GALK2: variants seen among roughly 807,000 people sequenced by gnomAD.
GALK2 encodes galactokinase 2.
GALK2 carries 36 observed loss-of-function variants against 52.4 expected under a neutral mutation model. That is an observed-to-expected ratio of 0.69 (90% confidence interval 0.53 to 0.91). The LOEUF is 0.91. Among genes scored for constraint, GALK2 ranks in the 40% least tolerant of loss-of-function variants. The probability of loss-of-function intolerance (pLI) is 0.00; values close to 1 mark genes in which losing one functional copy is unlikely to be tolerated. For missense variants in GALK2, 579 were observed against 559.1 expected (o/e 1.04, Z -0.36); for synonymous variants, 176 against 199.1 (o/e 0.88, Z 0.98).
intron 3 of GALK2, among the ~76,000 whole-genome samples, chr15:49,339,270 A>T (rs2040299487): frequency 6.6e-6 from 1 of 152,122 alleles, no homozygotes; most frequent in Non-Finnish European, 1.5e-5. Flanking sequence ...TCATGGATTT[A>T]TGTACCTTTG....
At chr15:49,233,787 C>T (rs1158921507) in intron 3 of GALK2, among the ~76,000 whole-genome samples, 2 of 152,184 alleles carry the variant, frequency 1.3e-5, no homozygotes, top group East Asian at 1.9e-4. Context: ...TCCAGGAAGA[C>T]GTCCTCTCTC....
intron 4 of GALK2, among the ~76,000 whole-genome samples, chr15:49,237,516 G>C (rs562195896): frequency 6.6e-6 from 1 of 151,612 alleles, no homozygotes; most frequent in Non-Finnish European, 1.5e-5. Context: ...TTGCTCTGTC[G>C]CCCAGGCTGG....
intron 5 of GALK2, among the ~76,000 whole-genome samples, chr15:49,277,313 C>T (rs1302587831): frequency 2.1e-5 from 3 of 139,840 alleles, no homozygotes; most frequent in Admixed American, 7.0e-5. Flanking sequence ...GGACTACAGG[C>T]GCCCGCCACT....
chr15:49,307,322 A>G (rs1318248166), intron 8 of GALK2, among the ~76,000 whole-genome samples: 1 of 152,178 alleles, frequency 6.6e-6, no homozygotes, highest in Non-Finnish European at 1.5e-5. Flanking sequence ...GATGAATTGA[A>G]ATACGGGGGC....
rs192496098 is a variant in GALK2 at position 49,313,229 on chromosome 15, T to C, written c.968-6375T>C. On this transcript the variant is annotated intron_variant, in intron 8 of 9. Transcript: ENST00000560031. The stretch of plus-strand genomic sequence containing the variant: ...CAAAAGTAAGTAGAAATCCAGATTC[T>C]TAGGTAAATCTTCCAATATAAAGAC... 6.6e-3 allele frequency among the ~76,000 whole-genome samples: 1,000 copies of C among 152,328 alleles called. 15 individuals are homozygous for C. The highest frequency in any genetic ancestry group is 0.023 in the African/African-American group (942 of 41,570).
At chr15:49,285,019 C>G (rs892677089) in intron 7 of GALK2, among the ~76,000 whole-genome samples, 10 of 152,146 alleles carry the variant, frequency 6.6e-5, no homozygotes, top group African/African-American at 1.2e-4. Context: ...TTTTCATTCT[C>G]TTCACAGCTA....
At chr15:49,229,470 A>G (rs959056883) in intron 3 of GALK2, among the ~76,000 whole-genome samples, 5 of 152,154 alleles carry the variant, frequency 3.3e-5, no homozygotes, top group African/African-American at 1.2e-4. Context: ...CCTGTGCCAC[A>G]GGTGTTGCAT....
At chr15:49,284,959 G>A (rs375155637) in intron 7 of GALK2, among the ~76,000 whole-genome samples, 1 of 152,090 alleles carries the variant, frequency 6.6e-6, no homozygotes, top group South Asian at 2.1e-4. Flanking sequence ...TATTAGAAAA[G>A]TCTACCCTAA....
intron 5 of GALK2, among the ~76,000 whole-genome samples, chr15:49,260,876 T>G (rs1217505381): frequency 1.3e-5 from 2 of 152,194 alleles, no homozygotes; most frequent in Non-Finnish European, 2.9e-5. Flanking sequence ...CAGATAGTTG[T>G]AGATATGTGG....
exon 1 of GALK2, chr15:49,155,881 A>G (rs1246715127): frequency 5.9e-6 from 7 of 1,191,294 alleles, no homozygotes; most frequent in Non-Finnish European, 8.5e-6. Context: ...AGCAGTTTCC[A>G]GCCTCCTGGG....
intron 5 of GALK2, among the ~76,000 whole-genome samples, chr15:49,240,667 G>T (rs548808468): frequency 3.9e-5 from 6 of 152,298 alleles, no homozygotes; most frequent in Admixed American, 3.3e-4. Flanking sequence ...AGAACATCAT[G>T]TGGAAATGTC....
chr15:49,362,916 A>G (rs2044500505), intron 3 of GALK2, among the ~76,000 whole-genome samples: 1 of 152,066 alleles, frequency 6.6e-6, no homozygotes, highest in African/African-American at 2.4e-5. Flanking sequence ...CAACTTTGTC[A>G]AAGGTTAGAT....
Position 49,189,620 on chromosome 15 carries a change from C to T in GALK2, c.54-11542C>T, listed in dbSNP as rs139099130. On this transcript the variant is annotated intron_variant, in intron 1 of 9. Transcript: ENST00000560031. ...CATCACTACTCATAGGCTTTGGGGT[C>T]ATTATTACATAACATTATGGTTACT... 1.9e-3 allele frequency among the ~76,000 whole-genome samples: 294 copies of T among 152,140 alleles called. 2 individuals are homozygous for T. The highest frequency in any genetic ancestry group is 6.8e-3 in the African/African-American group (282 of 41,496).
chr15:49,289,649 G>C (rs1175130697), intron 7 of GALK2, among the ~76,000 whole-genome samples: 2 of 152,118 alleles, frequency 1.3e-5, no homozygotes, highest in Non-Finnish European at 1.5e-5. Context: ...TACACATACA[G>C]GTTCCTGAGA....
intron 8 of GALK2, among the ~76,000 whole-genome samples, chr15:49,299,753 T>TTTCTTTCTTTCTG (rs2034878999): frequency 7.1e-6 from 1 of 141,366 alleles, no homozygotes; most frequent in Non-Finnish European, 1.5e-5. Flanking sequence ...CTTTCTTTCT[T>TTTCTTTCTTTCTG]TCTTTCTTTC....
chr15:49,363,448 G>T (rs2044597003), intron 3 of GALK2, among the ~76,000 whole-genome samples: 1 of 152,154 alleles, frequency 6.6e-6, no homozygotes, highest in Non-Finnish European at 1.5e-5. Flanking sequence ...ATATGGGAAT[G>T]CTATTGATTT....
chr15:49,260,417 G>GT lies in GALK2; in HGVS notation c.504+21057dup, dbSNP rs1174692630. Among the ~76,000 whole-genome samples the GT allele has an allele frequency of 1.1e-4, 16 of 148,860 alleles. No individual in the cohort carries two copies. In the East Asian group the frequency reaches 2.7e-3, roughly 25 times the overall value. The stretch of plus-strand genomic sequence containing the variant: ...CGCCCACTTTTTCATGGGGTTGTTT[G>GT]TTTTTTTCTTGTAAATTTGTTTGAG... On this transcript the variant is annotated intron_variant, in intron 5 of 9. Coordinates refer to ENST00000560031, the MANE Select transcript of GALK2 (RefSeq NM_002044.4).
intron 8 of GALK2, 85 bp from the exon 9 acceptor site, chr15:49,319,519 A>G (rs2036709032): frequency 1.9e-6 from 2 of 1,074,408 alleles, no homozygotes; most frequent in Admixed American, 4.6e-5. Context: ...AACAGAAATG[A>G]AAGTCTTTAA....
intron 2 of GALK2, among the ~76,000 whole-genome samples, chr15:49,205,191 C>T (rs543798740): frequency 1.7e-4 from 26 of 152,206 alleles, no homozygotes; most frequent in Middle Eastern, 3.4e-3. Context: ...TATAAACATG[C>T]GCGTGCACAT....
Sources: allele counts gnomAD v4.1 joint callset (sites outside exome capture counted in the v4.1 genomes callset), GRCh38; gene constraint gnomAD v4.1.1; transcripts MANE v1.5; gene names NCBI Gene and HGNC (gene_info 2026-07-23, HGNC 2026-07-21).